The following EDIL3 variants were observed in gnomAD, a reference collection of about 807,000 sequenced individuals.
The protein encoded by EDIL3 is EGF like and discoidin domains 3, also known as EGF-like repeat and discoidin I-like domain-containing protein 3.
Under a neutral mutation model 67.4 loss-of-function variants are expected in EDIL3, and 37 were observed. That is an observed-to-expected ratio of 0.55 (90% confidence interval 0.42 to 0.72). The LOEUF is 0.72. Ranked by LOEUF, EDIL3 falls within the 30% of genes least tolerant of loss-of-function variation. The probability of loss-of-function intolerance (pLI) is 0.00; values close to 1 mark genes in which losing one functional copy is unlikely to be tolerated. For missense variants in EDIL3, 527 were observed against 586.3 expected (o/e 0.90, Z 1.04); for synonymous variants, 195 against 196.3 (o/e 0.99, Z 0.05).
At chr5:83,980,746 C>T (rs1744956868) in intron 9 of EDIL3, among the ~76,000 whole-genome samples, 1 of 147,454 alleles carries the variant, frequency 6.8e-6, no homozygotes. Context: ...AAGAAAATCC[C>T]AAAGAATCCA....
At chr5:84,062,096 C>T (rs997167728) in intron 8 of EDIL3, among the ~76,000 whole-genome samples, 4 of 151,854 alleles carry the variant, frequency 2.6e-5, no homozygotes, top group Admixed American at 1.3e-4. Flanking sequence ...AACACGAGTA[C>T]ATTTTGGTAT....
intron 10 of EDIL3, among the ~76,000 whole-genome samples, chr5:83,953,532 A>G (rs558742002): frequency 1.3e-5 from 2 of 151,944 alleles, no homozygotes; most frequent in African/African-American, 2.4e-5. Context: ...ATTTTCACTC[A>G]TATATGAGGA....
intron 4 of EDIL3, among the ~76,000 whole-genome samples, chr5:84,176,181 A>ATAT (rs1181173284): frequency 3.1e-3 from 270 of 86,430 alleles, no homozygotes; most frequent in African/African-American, 0.014. Context: ...AGTGGTAAAA[A>ATAT]ATATATATAT....
At chr5:84,015,966 G>C (rs976631761) in intron 9 of EDIL3, among the ~76,000 whole-genome samples, 1 of 152,104 alleles carries the variant, frequency 6.6e-6, no homozygotes, top group African/African-American at 2.4e-5. Flanking sequence ...ATGGGGGTCT[G>C]TAGTACAGAT....
chr5:83,962,710 A>C (rs1744626059), intron 10 of EDIL3, among the ~76,000 whole-genome samples: 2 of 151,586 alleles, frequency 1.3e-5, no homozygotes, highest in Non-Finnish European at 3.0e-5. Context: ...TGTGTAATCA[A>C]AATTGTTCTA....
intron 3 of EDIL3, among the ~76,000 whole-genome samples, chr5:84,215,907 T>C (rs1744217510): frequency 6.6e-6 from 1 of 152,164 alleles, no homozygotes; most frequent in East Asian, 1.9e-4. Context: ...CTAATTTTAA[T>C]GTAGGGCCAG....
intron 1 of EDIL3, among the ~76,000 whole-genome samples, chr5:84,305,608 G>A (rs1322351326): frequency 2.0e-5 from 3 of 152,170 alleles, no homozygotes; most frequent in Non-Finnish European, 4.4e-5. Context: ...GGCCGAGTGC[G>A]GTGGCTCACG....
chr5:84,150,947 A>G (rs1471424500), intron 4 of EDIL3, among the ~76,000 whole-genome samples: 1 of 152,150 alleles, frequency 6.6e-6, no homozygotes, highest in African/African-American at 2.4e-5. Context: ...TTTTATTTAT[A>G]CAAATTTCTA....
chr5:84,231,507 G>A (rs1399072871), intron 2 of EDIL3, among the ~76,000 whole-genome samples: 1 of 152,242 alleles, frequency 6.6e-6, no homozygotes, highest in Admixed American at 6.5e-5. Flanking sequence ...TGTTCCCAGC[G>A]GATTCGTTAA....
At chr5:83,983,200 G>A (rs372409496) in intron 9 of EDIL3, among the ~76,000 whole-genome samples, 8 of 152,162 alleles carry the variant, frequency 5.3e-5, no homozygotes, top group African/African-American at 9.6e-5. Flanking sequence ...AGTACGTATC[G>A]CATTGGGTTT....
intron 1 of EDIL3, among the ~76,000 whole-genome samples, chr5:84,299,575 T>C (rs1023373224): frequency 6.6e-6 from 1 of 152,182 alleles, no homozygotes; most frequent in Admixed American, 6.6e-5. Flanking sequence ...TCCCCCACTG[T>C]CCCAACATAA....
intron 9 of EDIL3, among the ~76,000 whole-genome samples, chr5:84,042,988 G>T (rs1490961635): frequency 1.3e-5 from 2 of 152,142 alleles, no homozygotes; most frequent in African/African-American, 4.8e-5. Flanking sequence ...GAACACAGAG[G>T]AGGCAAAACC....
rs1008172581 is a variant in EDIL3, at chr5:84,371,341, A to ATATATATGTG, written c.67+12966_67+12967insCACATATATA. Among the ~76,000 whole-genome samples the ATATATATGTG allele has an allele frequency of 3.1e-3, 399 of 129,688 alleles. 3 individuals carry two copies. The highest frequency in any genetic ancestry group is 0.01 in the African/African-American group (369 of 36,624). 85.1% of individuals were successfully genotyped at this position (129,688 alleles called of 152,430 possible). A position where few individuals can be genotyped will look rare whatever the true frequency, so the allele number is the denominator to read the frequency against. ...AAAGTATATATATATATATATATAT[A>ATATATATGTG]TGTGTGTGTGTATATATATGTGTGT... On this transcript the variant is annotated intron_variant, in intron 1 of 10. Transcript: ENST00000296591.
At chr5:84,028,868 C>T (rs1210056081) in intron 9 of EDIL3, among the ~76,000 whole-genome samples, 2 of 152,000 alleles carry the variant, frequency 1.3e-5, no homozygotes, top group Non-Finnish European at 2.9e-5. Flanking sequence ...ATCTTGAATT[C>T]CCACGTGTTG....
chr5:83,970,643 GTATATATATATATATATATATATA>G lies in EDIL3; in HGVS notation c.1138-7307_1138-7284del, dbSNP rs70975530. Among the ~76,000 whole-genome samples, 48 of 116,136 alleles carry G rather than the reference GTATATATATATATATATATATATA, an allele frequency of 4.1e-4. No individual in the cohort carries two copies. The East Asian group carries it at 6.5e-3, about 16-fold the overall frequency. 76.2% of individuals were successfully genotyped at this position (116,136 alleles called of 152,430 possible). ...ATACATAATGTGACATAGGATCACA[GTATATATATATATATATATATATA>G]TATATATATATATATATTTAAGAAC... On this transcript the variant is annotated intron_variant, in intron 9 of 10. Coordinates refer to ENST00000296591, the MANE Select transcript of EDIL3 (RefSeq NM_005711.5).
At chr5:84,070,826 A>G (rs1746728114) in intron 6 of EDIL3, among the ~76,000 whole-genome samples, 1 of 152,164 alleles carries the variant, frequency 6.6e-6, no homozygotes, top group Non-Finnish European at 1.5e-5. Flanking sequence ...ACTATGGTAA[A>G]GCCTTAGTGT....
intron 6 of EDIL3, among the ~76,000 whole-genome samples, chr5:84,105,228 C>T (rs541581884): frequency 1.8e-4 from 27 of 152,072 alleles, no homozygotes; most frequent in Non-Finnish European, 3.5e-4. Flanking sequence ...ATCTGGAGTT[C>T]ATTTTGCACA....
chr5:84,343,563 G>T (rs780798968), intron 1 of EDIL3, among the ~76,000 whole-genome samples: 13 of 151,988 alleles, frequency 8.6e-5, no homozygotes, highest in Non-Finnish European at 1.5e-4. Flanking sequence ...AGAAAACTGA[G>T]AATTAATGAG....
At chr5:84,201,769 G>A (rs1743843220) in intron 3 of EDIL3, among the ~76,000 whole-genome samples, 1 of 152,030 alleles carries the variant, frequency 6.6e-6, no homozygotes, top group South Asian at 2.1e-4. Flanking sequence ...ACATAACTGC[G>A]AAATAGAATA....
Sources: gnomAD v4.1 joint callset for allele counts (sites outside exome capture counted in the v4.1 genomes callset) on GRCh38, gnomAD v4.1.1 for gene constraint, MANE v1.5 for transcripts, NCBI Gene and HGNC (gene_info 2026-07-23, HGNC 2026-07-21) for gene names.